Variants in TRAPPC6B observed in about 807,000 individuals in gnomAD.
TRAPPC6B encodes the protein TRAPP complex subunit 6B.
TRAPPC6B carries 27 observed loss-of-function variants against 24.7 expected under a neutral mutation model. The observed-to-expected ratio is 1.09, with a 90% confidence interval of 0.81 to 1.51. The LOEUF is 1.51. Among genes scored for constraint, TRAPPC6B ranks in the 40% most tolerant of loss-of-function variants. TRAPPC6B has a pLI of 0.00. For synonymous variants in TRAPPC6B, 80 were observed against 66.6 expected (o/e 1.20, Z -0.98); for missense variants, 212 against 190.8 (o/e 1.11, Z -0.66).
intron 5 of TRAPPC6B, 79 bp downstream of exon 5, chr14:39,151,667 C>T: frequency 3.9e-6 from 4 of 1,030,116 alleles, no homozygotes; most frequent in East Asian, 2.5e-5. Context: ...TTTAAATTTC[C>T]TCTCAGTTAA....
In TRAPPC6B at chr14:39,158,388, G is replaced by T; in HGVS notation, c.164C>A (p.Thr55Asn). The stretch of plus-strand genomic sequence containing the variant: ...ATCTAACTCATCCTTGAACCTTGCA[G>T]TATCTTTTGTAAACCTAAAAAGATC... The part of the protein sequence containing the change: ...QGLIERFTKD[T>N]ARFKDELDIM... Residue 55 changes from threonine (T) to asparagine (N), a missense_variant, in exon 3 of 6, where the codon ACT becomes AAT. Transcript: ENST00000330149. 6.3e-7 allele frequency: 1 copy of T among 1,584,650 alleles called. No individual in the cohort carries two copies. Among genetic ancestry groups the T allele is most frequent in the Non-Finnish European group, 8.6e-7 (1 of 1,169,144 alleles).
chr14:39,169,215 G>A (rs1252964801), intron 1 of TRAPPC6B, among the ~76,000 whole-genome samples: 1 of 152,174 alleles, frequency 6.6e-6, no homozygotes. Context: ...CCAATACTCA[G>A]TGTTAACTAT....
rs1260647377 is a variant in TRAPPC6B at position 39,158,389 on chromosome 14, T to C, written c.163A>G (p.Thr55Ala). Residue 55 changes from threonine (T) to alanine (A), a missense_variant, in exon 3 of 6, where the codon ACT becomes GCT. Coordinates refer to ENST00000330149, the MANE Select transcript of TRAPPC6B (RefSeq NM_001079537.2). ...TCTAACTCATCCTTGAACCTTGCAG[T>C]ATCTTTTGTAAACCTAAAAAGATCA... ...QGLIERFTKD[T>A]ARFKDELDIM... 5 of 1,585,220 alleles carry C rather than the reference T, an allele frequency of 3.2e-6. No homozygotes were observed. The highest frequency in any genetic ancestry group is 1.2e-5 in the South Asian group (1 of 85,830).
At chr14:39,169,303 A>G (rs11850579) in intron 1 of TRAPPC6B, among the ~76,000 whole-genome samples, 14,359 of 151,802 alleles carry the variant, frequency 0.095, 893 homozygotes, top group East Asian at 0.32. Context: ...GTCAGCAGTG[A>G]CAGGCCCACA....
intron 4 of TRAPPC6B, 46 bp downstream of exon 4, chr14:39,154,165 T>C (rs1325604602): frequency 2.6e-6 from 3 of 1,165,330 alleles, no homozygotes; most frequent in East Asian, 2.3e-5. Context: ...CTTTTCCCTG[T>C]AGTCCTACTA....
At chr14:39,165,397 G>A (rs1213193381) in intron 1 of TRAPPC6B, among the ~76,000 whole-genome samples, 1 of 152,112 alleles carries the variant, frequency 6.6e-6, no homozygotes, top group Non-Finnish European at 1.5e-5. Context: ...TGGCTTCCCT[G>A]AAACTTCCTT....
chr14:39,165,796 CT>C (rs1566551455), intron 1 of TRAPPC6B, among the ~76,000 whole-genome samples: 1 of 122,988 alleles, frequency 8.1e-6, no homozygotes, highest in African/African-American at 3.0e-5. Context: ...GACATTGTCT[CT>C]CTCTCTCTCT....
In TRAPPC6B at chr14:39,153,042, G is replaced by A. The variant is rs141117026; in HGVS notation, c.351+1169C>T. On this transcript the variant is annotated intron_variant, in intron 4 of 5. Transcript: ENST00000330149. ...GCTTTTGTAATCACGTCTGTAATCC[G>A]AGCACTTTGGGAGGCTGAGGTGGGT... 8.7e-5 allele frequency among the ~76,000 whole-genome samples: 13 copies of A among 149,072 alleles called. No individual in the cohort carries two copies. In the South Asian group the frequency reaches 2.5e-3, roughly 29 times the overall value.
intron 3 of TRAPPC6B, among the ~76,000 whole-genome samples, chr14:39,155,620 T>A (rs1396761859): frequency 6.6e-6 from 1 of 152,142 alleles, no homozygotes; most frequent in Non-Finnish European, 1.5e-5. Context: ...CACTGCAACC[T>A]CTGCCTCCCG....
At chr14:39,164,533 T>C (rs11157047) in intron 1 of TRAPPC6B, among the ~76,000 whole-genome samples, 140,822 of 152,124 alleles carry the variant, frequency 0.93, 65,276 homozygotes, top group East Asian at 0.95. Flanking sequence ...TTTCAGCACC[T>C]GCTCCCCTTT....
chr14:39,151,626 A>G, intron 5 of TRAPPC6B, 120 bp downstream of exon 5: 1 of 715,756 alleles, frequency 1.4e-6, no homozygotes, highest in Non-Finnish European at 2.3e-6. Flanking sequence ...AAAGTGTTAC[A>G]TTGATAAAAC....
At chr14:39,156,686 G>T (rs1298793243) in intron 3 of TRAPPC6B, 1 of 152,168 alleles carries the variant, frequency 6.6e-6, no homozygotes, top group Non-Finnish European at 1.5e-5. Context: ...AGAGTAAAAT[G>T]CTCTATAAAT....
intron 2 of TRAPPC6B, 67 bp downstream of exon 2, chr14:39,159,416 C>G (rs993572029): frequency 9.2e-7 from 1 of 1,090,586 alleles, no homozygotes; most frequent in Non-Finnish European, 1.3e-6. Context: ...TTTATGCAAT[C>G]TTTTGAAATA....
intron 4 of TRAPPC6B, among the ~76,000 whole-genome samples, chr14:39,153,202 G>C (rs146663009): frequency 0.03 from 4,499 of 149,480 alleles, 236 homozygotes; most frequent in African/African-American, 0.1. Context: ...TGAGGCAGGA[G>C]AATCACTTGA....
intron 3 of TRAPPC6B, chr14:39,156,644 T>C (rs559684273): frequency 6.6e-6 from 1 of 152,254 alleles, no homozygotes; most frequent in South Asian, 2.1e-4. Flanking sequence ...GAGTAGAAAA[T>C]ATGACAGCAG....
intron 3 of TRAPPC6B, chr14:39,157,325 G>C (rs552310790): frequency 2.8e-6 from 1 of 361,246 alleles, no homozygotes; most frequent in Non-Finnish European, 5.3e-6. Flanking sequence ...GCCCTGCACC[G>C]CCAAATAGCT....
chr14:39,155,721 G>A (rs1435854958), intron 3 of TRAPPC6B, among the ~76,000 whole-genome samples: 3 of 151,922 alleles, frequency 2.0e-5, no homozygotes, highest in Non-Finnish European at 4.4e-5. Flanking sequence ...ATTTTTAGTA[G>A]AGACAGGGTT....
rs550422451 is a variant in TRAPPC6B at position 39,163,191 on chromosome 14, G to C, written c.82-3641C>G. Among the ~76,000 whole-genome samples, 40 of 150,280 alleles carry C rather than the reference G, an allele frequency of 2.7e-4. 2 individuals are homozygous for C. Among genetic ancestry groups the C allele is most frequent in the African/African-American group, 9.1e-4 (36 of 39,766 alleles). On this transcript the variant is annotated intron_variant, in intron 1 of 5. Transcript: ENST00000330149. Reference sequence around the variant, plus strand: ...TCGAGATCATCCTGGCTAACACAGTGAAACCTCATCTCTACTAAAAATACA... The same window carrying C: ...TCGAGATCATCCTGGCTAACACAGTCAAACCTCATCTCTACTAAAAATACA...
At chr14:39,161,783 G>A (rs2053062436) in intron 1 of TRAPPC6B, among the ~76,000 whole-genome samples, 1 of 152,240 alleles carries the variant, frequency 6.6e-6, no homozygotes, top group African/African-American at 2.4e-5. Flanking sequence ...ACTGTGCTCT[G>A]AAACCTAAAG....
Sources: gnomAD v4.1 joint callset for allele counts (sites outside exome capture counted in the v4.1 genomes callset) on GRCh38, gnomAD v4.1.1 for gene constraint, MANE v1.5 for transcripts, NCBI Gene and HGNC (gene_info 2026-07-23, HGNC 2026-07-21) for gene names.